The following HEXA variants were observed in gnomAD, a reference collection of about 807,000 sequenced individuals.
The protein encoded by HEXA is beta-hexosaminidase subunit alpha.
In HEXA, 54 loss-of-function variants were observed where a neutral mutation model predicts 73.3. The ratio of observed to expected loss-of-function variants is 0.74; its 90% CI spans 0.59 to 0.92. The LOEUF is 0.92. Ranked by LOEUF, HEXA falls within the 40% of genes least tolerant of loss-of-function variation. The pLI is 0.00. For missense variants in HEXA, 649 were observed against 653.0 expected (o/e 0.99, Z 0.07); for synonymous variants, 230 against 246.9 (o/e 0.93, Z 0.64).
chr15:72,372,430 A>G (rs564980902), intron 1 of HEXA, among the ~76,000 whole-genome samples: 1 of 152,128 alleles, frequency 6.6e-6, no homozygotes, highest in Non-Finnish European at 1.5e-5. Flanking sequence ...TATCAGCTCC[A>G]TCAAGCACCA....
intron 1 of HEXA, among the ~76,000 whole-genome samples, chr15:72,375,375 CATAGTTCTTGT>C (rs1212005518): frequency 6.6e-6 from 1 of 152,182 alleles, no homozygotes; most frequent in Non-Finnish European, 1.5e-5. Context: ...TGTAACTTTG[CATAGTTCTTGT>C]ATTATGTCTC....
intron 1 of HEXA, among the ~76,000 whole-genome samples, chr15:72,368,414 T>C (rs1450199042): frequency 1.3e-5 from 2 of 152,236 alleles, no homozygotes; most frequent in Non-Finnish European, 2.9e-5. Context: ...ACCCTGGGCA[T>C]GTTACTTAGC....
In HEXA at chr15:72,360,934, T is replaced by G. The variant is rs536250466; in HGVS notation, c.254-4317A>C. Among the ~76,000 whole-genome samples, 24 of 152,346 alleles carry G rather than the reference T, an allele frequency of 1.6e-4. No homozygotes were observed. In the South Asian group the frequency reaches 5.0e-3, roughly 32 times the overall value. ...GGTACCTCCTATGTGCTCATGATGT[T>G]GGTCATACTTAGTATTTTGTAGCTG... On this transcript the variant is annotated intron_variant, in intron 1 of 13. Transcript: ENST00000268097.
intron 1 of HEXA, among the ~76,000 whole-genome samples, chr15:72,366,508 A>G (rs1451082060): frequency 6.6e-6 from 1 of 151,804 alleles, no homozygotes; most frequent in Non-Finnish European, 1.5e-5. Flanking sequence ...ACGGGGTTTC[A>G]CCACATTAGC....
chr15:72,345,923 T>C, intron 12 of HEXA: 1 of 532,662 alleles, frequency 1.9e-6, no homozygotes. Context: ...GAAGCCTTAT[T>C]ACAGGAATCA....
chr15:72,373,982 C>T (rs1234659127), intron 1 of HEXA, among the ~76,000 whole-genome samples: 1 of 143,548 alleles, frequency 7.0e-6, no homozygotes, highest in Admixed American at 7.2e-5. Context: ...TCAGTGTAGG[C>T]TGAGTGATAA....
At position 72,352,664 on chromosome 15, in the gene HEXA, AT is replaced by A. The variant is rs1555473007; in HGVS notation, c.570+403del. On this transcript the variant is annotated intron_variant, in intron 5 of 13. Transcript: ENST00000268097. ...CCAGGAGCTCATAGAATTACATACAATTTTTTTTTTTTTTTTTGAGACAGCG... is the reference window on the plus strand; with the variant it reads ...CCAGGAGCTCATAGAATTACATACAATTTTTTTTTTTTTTTTGAGACAGCG... 3.7e-3 allele frequency among the ~76,000 whole-genome samples: 157 copies of A among 42,916 alleles called. 1 individual carries two copies. The highest frequency in any genetic ancestry group is 0.024 in the Middle Eastern group (1 of 42). The allele number at this position is 42,916 out of a possible 152,430, so 28.2% of individuals were successfully genotyped here. A position where few individuals can be genotyped will look rare whatever the true frequency, so the allele number is the denominator to read the frequency against.
chr15:72,347,294 G>A (rs12593333), intron 10 of HEXA, among the ~76,000 whole-genome samples: 129,973 of 144,356 alleles, frequency 0.9, 60,258 homozygotes, highest in East Asian at 1. Context: ...TTTTTTTGAG[G>A]CAGGGTCTCA....
chr15:72,362,506 T>C (rs1393105273), intron 1 of HEXA: 4 of 455,622 alleles, frequency 8.8e-6, no homozygotes, highest in Non-Finnish European at 1.8e-5. Context: ...AAAATGCATA[T>C]TTTATGATTG....
At chr15:72,367,894 C>G (rs921010852) in intron 1 of HEXA, among the ~76,000 whole-genome samples, 1 of 152,224 alleles carries the variant, frequency 6.6e-6, no homozygotes, top group Admixed American at 6.5e-5. Context: ...TCAATGTGCA[C>G]TTTCTCCTTT....
chr15:72,348,167 T>C, intron 8 of HEXA, 33 bp from the exon 9 acceptor site: 1 of 1,472,690 alleles, frequency 6.8e-7, no homozygotes, highest in Non-Finnish European at 9.5e-7. Flanking sequence ...GATTAATCTT[T>C]CAACATCCTG....
intron 1 of HEXA, among the ~76,000 whole-genome samples, chr15:72,366,029 T>C (rs2088912208): frequency 6.6e-6 from 1 of 152,170 alleles, no homozygotes; most frequent in Non-Finnish European, 1.5e-5. Flanking sequence ...TGAGATCTTG[T>C]TGTGTAGTTA....
Position 72,343,107 on chromosome 15 carries a change from G to A in HEXA, c.*970C>T, listed in dbSNP as rs1051960380. 6.6e-6 allele frequency: 1 copy of A among 152,256 alleles called. No homozygotes were observed. Among genetic ancestry groups the A allele is most frequent in the African/African-American group, 2.4e-5 (1 of 41,440 alleles). The allele number at this position is 152,256 out of a possible 1,614,324, so 9.4% of individuals were successfully genotyped here. On this transcript the variant is annotated 3_prime_UTR_variant, in exon 14 of 14. Coordinates refer to ENST00000268097, the MANE Select transcript of HEXA (RefSeq NM_000520.6). ...GTGGTGGCGGGCGCCTGTAGTCCCA[G>A]CTACTGGGGAGGCTGAGGCAGGAGA...
intron 1 of HEXA, among the ~76,000 whole-genome samples, chr15:72,372,185 C>A (rs1160912412): frequency 6.6e-6 from 1 of 151,878 alleles, no homozygotes; most frequent in Non-Finnish European, 1.5e-5. Context: ...CCCGTCTCTA[C>A]TAAAAAATAA....
In HEXA at chr15:72,349,161, T is replaced by C; in HGVS notation, c.904A>G (p.Ser302Gly). 3.1e-6 allele frequency: 5 copies of C among 1,613,818 alleles called. No individual in the cohort carries two copies. The highest frequency in any genetic ancestry group is 4.2e-6 in the Non-Finnish European group (5 of 1,179,682). ...PSLNNTYEFMSTFFLEVSSVF... is the reference protein window; with the variant it reads ...PSLNNTYEFMGTFFLEVSSVF... ...GAGCTGACTTCTAAGAAGAATGTGC[T>C]CATGAACTCATAGGTATTATTGAGA... Residue 302 changes from serine (S) to glycine (G), a missense_variant, in exon 8 of 14, where the codon AGC becomes GGC. Transcript: ENST00000268097.
rs1567293226 is a variant in HEXA, at chr15:72,341,460, T to G, written c.*2617A>C. On this transcript the variant is annotated 3_prime_UTR_variant, in exon 14 of 14. Coordinates refer to ENST00000268097, the MANE Select transcript of HEXA (RefSeq NM_000520.6). ...CCCAGTCTCCATTCACTCCTTTGCT[T>G]TGATACCCGTTAGGCCTGCTTTGCC... 1.3e-5 allele frequency: 2 copies of G among 151,560 alleles called. No individual in the cohort carries two copies. Among genetic ancestry groups the G allele is most frequent in the African/African-American group, 4.9e-5 (2 of 41,166 alleles). The allele number at this position is 151,560 out of a possible 1,614,324, so 9.4% of individuals were successfully genotyped here. A position where few individuals can be genotyped will look rare whatever the true frequency, so the allele number is the denominator to read the frequency against.
At chr15:72,363,900 A>G (rs11633028) in intron 1 of HEXA, among the ~76,000 whole-genome samples, 83,200 of 152,052 alleles carry the variant, frequency 0.55, 27,619 homozygotes, top group Middle Eastern at 0.75. Flanking sequence ...AACTTTAGTT[A>G]TAACATTTTG....
intron 13 of HEXA, 72 bp downstream of exon 13, chr15:72,345,374 C>T: frequency 6.3e-7 from 1 of 1,599,900 alleles, no homozygotes; most frequent in Non-Finnish European, 8.5e-7. Context: ...TTATTGTCTT[C>T]CTCTCTCTAA....
chr15:72,341,385 C>A lies in HEXA; in HGVS notation c.*2692G>T. ...ATTAGATTCCTCGAAGGGAAGGTAC[C>A]TGGCATGCAGCCTCAGCTCCTACCA... is the stretch of plus-strand genomic sequence containing the variant. On this transcript the variant is annotated 3_prime_UTR_variant, in exon 14 of 14. Coordinates refer to ENST00000268097, the MANE Select transcript of HEXA (RefSeq NM_000520.6). The A allele has an allele frequency of 6.6e-6, 1 of 152,318 alleles. No individual in the cohort carries two copies. Among genetic ancestry groups the A allele is most frequent in the Non-Finnish European group, 1.5e-5 (1 of 68,078 alleles). The allele number at this position is 152,318 out of a possible 1,614,324, so 9.4% of individuals were successfully genotyped here.
Sources: gnomAD v4.1 joint callset for allele counts (sites outside exome capture counted in the v4.1 genomes callset) on GRCh38, gnomAD v4.1.1 for gene constraint, MANE v1.5 for transcripts, NCBI Gene and HGNC (gene_info 2026-07-23, HGNC 2026-07-21) for gene names.